The following MACROD2 variants were observed in gnomAD, a reference collection of about 807,000 sequenced individuals.
MACROD2 encodes ADP-ribose glycohydrolase MACROD2.
In MACROD2, 36 loss-of-function variants were observed where a neutral mutation model predicts 70.4. That is an observed-to-expected ratio of 0.51 (90% confidence interval 0.39 to 0.68). The LOEUF (loss-of-function observed/expected upper bound fraction) is 0.68. MACROD2 is among the 30% of genes least tolerant of loss of function. MACROD2 has a pLI of 0.00. For synonymous variants in MACROD2, 172 were observed against 178.8 expected (o/e 0.96, Z 0.30); for missense variants, 496 against 538.4 (o/e 0.92, Z 0.78).
At chr20:15,508,725 G>A (rs887139189) in intron 8 of MACROD2, among the ~76,000 whole-genome samples, 2 of 152,134 alleles carry the variant, frequency 1.3e-5, no homozygotes, top group African/African-American at 4.8e-5. Context: ...TCTTTCCATG[G>A]GATTTCTTTG....
At chr20:15,330,733 A>C (rs925396394) in intron 6 of MACROD2, among the ~76,000 whole-genome samples, 4 of 151,700 alleles carry the variant, frequency 2.6e-5, no homozygotes, top group Non-Finnish European at 5.9e-5. Context: ...ACTTCTGACT[A>C]ATGGATTAAA....
At chr20:14,816,536 A>G (rs938923237) in intron 5 of MACROD2, among the ~76,000 whole-genome samples, 2 of 152,182 alleles carry the variant, frequency 1.3e-5, no homozygotes, top group East Asian at 3.9e-4. Context: ...ATCTGTATAA[A>G]TTGATCACAT....
At chr20:15,063,050 A>G (rs1285486950) in intron 5 of MACROD2, among the ~76,000 whole-genome samples, 1 of 152,144 alleles carries the variant, frequency 6.6e-6, no homozygotes, top group African/African-American at 2.4e-5. Context: ...TTCATTTCCA[A>G]AGGGATTCGA....
At chr20:15,234,009 A>ATATATATATATATATATATAT (rs1555795277) in intron 6 of MACROD2, among the ~76,000 whole-genome samples, 1 of 39,998 alleles carries the variant, frequency 2.5e-5, no homozygotes, top group African/African-American at 8.6e-5. Context: ...ATATATATAT[A>ATATATATATATATATATATAT]TTCTTTTTTT....
chr20:14,919,178 CACAA>C (rs1296790892), intron 5 of MACROD2, among the ~76,000 whole-genome samples: 1 of 152,162 alleles, frequency 6.6e-6, no homozygotes, highest in African/African-American at 2.4e-5. Context: ...TGGAATGCAT[CACAA>C]ACACATTGCT....
chr20:14,412,539 T>C (rs191065129), intron 3 of MACROD2, among the ~76,000 whole-genome samples: 2 of 152,276 alleles, frequency 1.3e-5, no homozygotes, highest in Non-Finnish European at 2.9e-5. Context: ...ACACTCATGC[T>C]AGTAATGGTG....
At chr20:14,215,695 T>C (rs1022237385) in intron 3 of MACROD2, among the ~76,000 whole-genome samples, 1 of 152,104 alleles carries the variant, frequency 6.6e-6, no homozygotes, top group African/African-American at 2.4e-5. Context: ...TTTTTTTGAT[T>C]ATGTCCATTC....
intron 2 of MACROD2, chr20:14,051,856 G>T: frequency 2.0e-6 from 1 of 503,552 alleles, no homozygotes; most frequent in Non-Finnish European, 4.0e-6. Flanking sequence ...TGAGGAGATG[G>T]ATATGATCCT....
At chr20:14,082,615 A>G (rs1009468174) in intron 2 of MACROD2, among the ~76,000 whole-genome samples, 1 of 152,194 alleles carries the variant, frequency 6.6e-6, no homozygotes, top group Non-Finnish European at 1.5e-5. Flanking sequence ...TCATGAGAAA[A>G]TGAAATAATA....
At chr20:15,533,997 A>AT (rs1417371993) in intron 8 of MACROD2, among the ~76,000 whole-genome samples, 2 of 152,086 alleles carry the variant, frequency 1.3e-5, no homozygotes, top group African/African-American at 2.4e-5. Context: ...TAGCCAAGAT[A>AT]TTTTTTTCCC....
At chr20:14,312,047 A>G (rs535733541) in intron 3 of MACROD2, among the ~76,000 whole-genome samples, 1 of 152,296 alleles carries the variant, frequency 6.6e-6, no homozygotes, top group African/African-American at 2.4e-5. Context: ...TTTTCATTAC[A>G]TAATATTTAT....
intron 13 of MACROD2, among the ~76,000 whole-genome samples, chr20:15,978,662 A>C (rs1481332860): frequency 6.6e-6 from 1 of 151,946 alleles, no homozygotes; most frequent in East Asian, 1.9e-4. Context: ...GCAATGGGGA[A>C]GAATGAGGAT....
chr20:14,744,319 A>T (rs183999331), intron 5 of MACROD2, among the ~76,000 whole-genome samples: 88 of 152,288 alleles, frequency 5.8e-4, no homozygotes, highest in African/African-American at 1.9e-3. Context: ...AGTTTACTTT[A>T]AAAAAATTTT....
intron 5 of MACROD2, among the ~76,000 whole-genome samples, chr20:14,991,742 C>T (rs747770592): frequency 1.9e-4 from 29 of 152,282 alleles, no homozygotes; most frequent in Middle Eastern, 3.4e-3. Context: ...AGCAAGGTGA[C>T]ACATTTTAGT....
intron 4 of MACROD2, among the ~76,000 whole-genome samples, chr20:14,681,286 G>T (rs750542886): frequency 6.6e-6 from 1 of 152,110 alleles, no homozygotes; most frequent in Non-Finnish European, 1.5e-5. Flanking sequence ...AAATGAAAAC[G>T]TATAGCTACA....
intron 12 of MACROD2, among the ~76,000 whole-genome samples, chr20:15,962,693 A>G (rs565424068): frequency 7.2e-5 from 11 of 152,326 alleles, no homozygotes; most frequent in African/African-American, 2.6e-4. Flanking sequence ...GATAAGGAAC[A>G]TCAACCTGTC....
intron 5 of MACROD2, among the ~76,000 whole-genome samples, chr20:14,956,484 G>A (rs1313828814): frequency 6.6e-6 from 1 of 152,066 alleles, no homozygotes; most frequent in African/African-American, 2.4e-5. Flanking sequence ...TTTCTTGTCA[G>A]TTGTCAGAGT....
intron 6 of MACROD2, among the ~76,000 whole-genome samples, chr20:15,329,009 C>T (rs773809243): frequency 6.6e-6 from 1 of 151,824 alleles, no homozygotes; most frequent in Non-Finnish European, 1.5e-5. Context: ...CACTATACAC[C>T]ATTGAAAACA....
rs532924604 is a variant in MACROD2 at position 15,851,038 on chromosome 20, G to GAAAT, written c.646-11706_646-11703dup. Among the ~76,000 whole-genome samples, 489 of 152,170 alleles carry GAAAT rather than the reference G, an allele frequency of 3.2e-3. 1 individual carries two copies. The highest frequency in any genetic ancestry group is 4.9e-3 in the Non-Finnish European group (331 of 68,004). On this transcript the variant is annotated intron_variant, in intron 8 of 17. Transcript: ENST00000684519. ...TTGGCTGCTGCCACTCAGAACGTTG[G>GAAAT]AAATGATGGAAAAAATGGGCATGGG...
Sources: gnomAD v4.1 joint callset for allele counts (sites outside exome capture counted in the v4.1 genomes callset) on GRCh38, gnomAD v4.1.1 for gene constraint, MANE v1.5 for transcripts, NCBI Gene and HGNC (gene_info 2026-07-23, HGNC 2026-07-21) for gene names.